The following SLC14A2 variants were observed in gnomAD, a reference collection of about 807,000 sequenced individuals.
SLC14A2 encodes solute carrier family 14 member 2, also known as urea transporter 2.
Under a neutral mutation model 104.6 loss-of-function variants are expected in SLC14A2, and 91 were observed. That is an observed-to-expected ratio of 0.87 (90% confidence interval 0.73 to 1.04). The LOEUF is 1.04. SLC14A2 is among the 50% of genes least tolerant of loss of function. The probability of loss-of-function intolerance (pLI) is 0.00; values close to 1 mark genes in which losing one functional copy is unlikely to be tolerated. For missense variants in SLC14A2, 1,189 were observed against 1,156.0 expected (o/e 1.03, Z -0.41); for synonymous variants, 476 against 466.4 (o/e 1.02, Z -0.27).
chr18:45,340,226 C>T (rs2085379977), intron 1 of SLC14A2, among the ~76,000 whole-genome samples: 1 of 152,218 alleles, frequency 6.6e-6, no homozygotes, highest in Non-Finnish European at 1.5e-5. Flanking sequence ...GAAGCAATTA[C>T]ATGACAGGAA....
At chr18:45,379,724 T>C (rs1288102649) in intron 1 of SLC14A2, among the ~76,000 whole-genome samples, 1 of 152,248 alleles carries the variant, frequency 6.6e-6, no homozygotes, top group African/African-American at 2.4e-5. Flanking sequence ...GGGATTATTT[T>C]AAGCTTTCAT....
chr18:45,373,366 TCTC>T (rs1445509558), intron 1 of SLC14A2, among the ~76,000 whole-genome samples: 4 of 152,204 alleles, frequency 2.6e-5, no homozygotes, highest in African/African-American at 9.6e-5. Context: ...GCTTCTTTCT[TCTC>T]CCAAAAGTCT....
At chr18:45,470,377 G>A (rs769839959) in intron 1 of SLC14A2, among the ~76,000 whole-genome samples, 2 of 151,952 alleles carry the variant, frequency 1.3e-5, no homozygotes, top group Non-Finnish European at 1.5e-5. Flanking sequence ...GCACAAAATT[G>A]TTCTTTACAT....
intron 1 of SLC14A2, among the ~76,000 whole-genome samples, chr18:45,280,143 C>A (rs369816879): frequency 2.0e-5 from 3 of 152,194 alleles, no homozygotes; most frequent in Admixed American, 1.3e-4. Flanking sequence ...ACGGTAAAAA[C>A]CTTGTTCCAG....
intron 1 of SLC14A2, among the ~76,000 whole-genome samples, chr18:45,354,983 G>C (rs1033328952): frequency 5.3e-5 from 8 of 152,112 alleles, no homozygotes; most frequent in African/African-American, 1.4e-4. Context: ...GCATATATTG[G>C]TAGAACTGAG....
chr18:45,182,645 T>TA, the SLC14A2 span, among the ~76,000 whole-genome samples: 1 of 151,900 alleles, frequency 6.6e-6, no homozygotes, highest in African/African-American at 2.4e-5. Context: ...GAAACTATTA[T>TA]AAAAAACAAG....
At chr18:45,644,378 T>C (rs996994271) in intron 10 of SLC14A2, 1 of 449,500 alleles carries the variant, frequency 2.2e-6, no homozygotes, top group Admixed American at 3.6e-5. Context: ...TTAAGGGATG[T>C]TGGTATTACA....
intron 2 of SLC14A2, among the ~76,000 whole-genome samples, chr18:45,546,475 T>C (rs1237093067): frequency 6.6e-6 from 1 of 152,188 alleles, no homozygotes; most frequent in Non-Finnish European, 1.5e-5. Context: ...TTACCTCTCT[T>C]TGTCTGAAGC....
intron 18 of SLC14A2, among the ~76,000 whole-genome samples, chr18:45,678,402 A>G (rs1163652617): frequency 1.3e-5 from 2 of 152,230 alleles, no homozygotes; most frequent in Non-Finnish European, 2.9e-5. Flanking sequence ...TCAGCGAGAA[A>G]TGAAGGGTTT....
chr18:45,513,027 T>A (rs1341119584), intron 2 of SLC14A2, among the ~76,000 whole-genome samples: 1 of 152,162 alleles, frequency 6.6e-6, no homozygotes, highest in Non-Finnish European at 1.5e-5. Context: ...AAACTTACTA[T>A]TAGCCTATGT....
At chr18:45,327,670 A>G (rs937171608) in intron 1 of SLC14A2, among the ~76,000 whole-genome samples, 2 of 152,156 alleles carry the variant, frequency 1.3e-5, no homozygotes, top group African/African-American at 4.8e-5. Flanking sequence ...TTCACACAGC[A>G]TAAGGTTTTC....
At chr18:45,348,657 ATGCTATAATTCTGTACG>A (rs1301373237) in intron 1 of SLC14A2, among the ~76,000 whole-genome samples, 1 of 152,232 alleles carries the variant, frequency 6.6e-6, no homozygotes, top group African/African-American at 2.4e-5. Context: ...CAGTTCCAAC[ATGCTATAATTCTGTACG>A]TGCCATATCC....
At chr18:45,445,405 T>A (rs1339537577) in intron 1 of SLC14A2, among the ~76,000 whole-genome samples, 1 of 152,196 alleles carries the variant, frequency 6.6e-6, no homozygotes, top group East Asian at 1.9e-4. Context: ...CCACCAAGCC[T>A]GGCCTGACAC....
At chr18:45,326,984 A>C (rs2085241067) in intron 1 of SLC14A2, among the ~76,000 whole-genome samples, 1 of 152,150 alleles carries the variant, frequency 6.6e-6, no homozygotes, top group Non-Finnish European at 1.5e-5. Flanking sequence ...AGATATCTCT[A>C]TATATCAATC....
intron 2 of SLC14A2, among the ~76,000 whole-genome samples, chr18:45,574,670 A>G (rs193051042): frequency 1.1e-3 from 172 of 152,380 alleles, no homozygotes; most frequent in African/African-American, 4.0e-3. Flanking sequence ...TTATAAATCA[A>G]GATAACAAAT....
rs1176662669 is a variant in SLC14A2 at position 45,667,050 on chromosome 18, GC to G, written c.1674del (p.Tyr559ThrfsTer6). 1.2e-6 allele frequency: 2 copies of G among 1,613,792 alleles called. No homozygotes were observed. Among genetic ancestry groups the G allele is most frequent in the Non-Finnish European group, 1.7e-6 (2 of 1,179,810 alleles). On this transcript the variant is annotated frameshift_variant, in exon 13 of 20. Transcript: ENST00000255226. LOFTEE classifies it high-confidence loss of function. ...GGGAAAAGGGTCAGCAAAGCCCTCA[GC>G]TACATCACAGGAGAGATGAAGGAGT... ...ASGKRVSKAL[S>X]YITGEMKECG... is the part of the protein sequence containing the mutation.
At chr18:45,627,224 C>G in intron 4 of SLC14A2, 77 bp downstream of exon 4, 1 of 1,334,896 alleles carries the variant, frequency 7.5e-7, no homozygotes, top group South Asian at 1.3e-5. Context: ...AGTAATCAGT[C>G]AACCTTACCC....
chr18:45,174,925 A>G, the SLC14A2 span, among the ~76,000 whole-genome samples: 1 of 152,148 alleles, frequency 6.6e-6, no homozygotes, highest in East Asian at 1.9e-4. Context: ...CTGCAATCCC[A>G]TTTTTTACTT....
Position 45,381,410 on chromosome 18 carries a change from G to A in SLC14A2, c.-124-101823G>A, listed in dbSNP as rs150961390. The stretch of plus-strand genomic sequence containing the variant: ...GCAAATTAAGGATCAGAGAAGGGAC[G>A]ACCTCTTGAACTTATTTTCTGTGGT... On this transcript the variant is annotated intron_variant, in intron 1 of 20. Transcript: ENST00000586448. Among the ~76,000 whole-genome samples, 526 of 152,248 alleles carry A rather than the reference G, an allele frequency of 3.5e-3. 3 individuals carry two copies. The highest frequency in any genetic ancestry group is 0.021 in the South Asian group (102 of 4,818).
Sources: gnomAD v4.1 joint callset for allele counts (sites outside exome capture counted in the v4.1 genomes callset) on GRCh38, gnomAD v4.1.1 for gene constraint, MANE v1.5 for transcripts, NCBI Gene and HGNC (gene_info 2026-07-23, HGNC 2026-07-21) for gene names.